Variants in FGF12 observed in about 807,000 individuals in gnomAD.
FGF12 encodes fibroblast growth factor 12.
Under a neutral mutation model 23.6 loss-of-function variants are expected in FGF12, and 14 were observed. The observed-to-expected ratio is 0.59, with a 90% CI of 0.39 to 0.93. The LOEUF (loss-of-function observed/expected upper bound fraction) is 0.93, where lower values mean the gene tolerates loss of function less well. FGF12 is among the 40% of genes least tolerant of loss of function. The probability of loss-of-function intolerance (pLI) is 0.00; values close to 1 mark genes in which losing one functional copy is unlikely to be tolerated. For missense variants in FGF12, 175 were observed against 217.8 expected (o/e 0.80, Z 1.24); for synonymous variants, 62 against 77.3 (o/e 0.80, Z 1.04).
At chr3:192,602,828 A>T (rs927020274) in intron 2 of FGF12, among the ~76,000 whole-genome samples, 3 of 152,132 alleles carry the variant, frequency 2.0e-5, no homozygotes, top group African/African-American at 7.2e-5. Context: ...GCACACAAAA[A>T]GTCAATTTAC....
chr3:192,605,721 C>A (rs1353564978), intron 2 of FGF12, among the ~76,000 whole-genome samples: 2 of 152,218 alleles, frequency 1.3e-5, no homozygotes, highest in South Asian at 2.1e-4. Context: ...GACATGAACA[C>A]ACACACTTCT....
At chr3:192,210,380 T>C (rs550969460) in intron 4 of FGF12, among the ~76,000 whole-genome samples, 41 of 151,862 alleles carry the variant, frequency 2.7e-4, no homozygotes, top group Admixed American at 1.6e-3. Context: ...AGAAAAAAAA[T>C]ACACAAGAAA....
chr3:192,478,728 T>C (rs2108817827), intron 2 of FGF12, among the ~76,000 whole-genome samples: 1 of 152,222 alleles, frequency 6.6e-6, no homozygotes, highest in East Asian at 1.9e-4. Context: ...GAAAGAAAAA[T>C]GAAGTTTAGA....
intron 2 of FGF12, among the ~76,000 whole-genome samples, chr3:192,434,832 A>T (rs1259412600): frequency 6.7e-6 from 1 of 148,462 alleles, no homozygotes; most frequent in East Asian, 2.0e-4. Flanking sequence ...TCAGGATATT[A>T]AAAAAAAAAC....
chr3:192,520,913 A>G (rs770681250), intron 2 of FGF12, among the ~76,000 whole-genome samples: 7 of 152,206 alleles, frequency 4.6e-5, no homozygotes, highest in Non-Finnish European at 1.0e-4. Flanking sequence ...ATTATAAACA[A>G]TGCTGCAATA....
At chr3:192,392,598 G>A (rs1231825223) in intron 2 of FGF12, among the ~76,000 whole-genome samples, 1 of 38,988 alleles carries the variant, frequency 2.6e-5, no homozygotes, top group East Asian at 1.9e-3. Flanking sequence ...CTCCGAGAGA[G>A]AGAGAGAGAG....
intron 2 of FGF12, among the ~76,000 whole-genome samples, chr3:192,546,338 A>G (rs1725493510): frequency 6.6e-6 from 1 of 152,180 alleles, no homozygotes; most frequent in Non-Finnish European, 1.5e-5. Context: ...CTAATACTTT[A>G]GGTGCAAACC....
chr3:192,524,501 A>C (rs1034482809), intron 2 of FGF12, among the ~76,000 whole-genome samples: 2 of 152,208 alleles, frequency 1.3e-5, no homozygotes, highest in Non-Finnish European at 2.9e-5. Flanking sequence ...GTGGGAAAGG[A>C]GGAGAAAAAG....
chr3:192,652,001 G>C (rs891231866), intron 2 of FGF12, among the ~76,000 whole-genome samples: 1 of 152,098 alleles, frequency 6.6e-6, no homozygotes, highest in African/African-American at 2.4e-5. Flanking sequence ...AGATTGGAAG[G>C]CTCATTTATT....
chr3:192,528,501 C>A (rs189939693), intron 2 of FGF12, among the ~76,000 whole-genome samples: 2 of 152,234 alleles, frequency 1.3e-5, no homozygotes. Flanking sequence ...GTACACGGTA[C>A]AACCTGTCAG....
At chr3:192,657,632 A>G (rs1314156773) in intron 2 of FGF12, among the ~76,000 whole-genome samples, 1 of 152,154 alleles carries the variant, frequency 6.6e-6, no homozygotes, top group Non-Finnish European at 1.5e-5. Flanking sequence ...TAAATCTATG[A>G]GATTCGGACT....
In FGF12 at chr3:192,537,950, C is replaced by CTTTTTTTTT. The variant is rs370317111; in HGVS notation, c.14-177421_14-177413dup. Among the ~76,000 whole-genome samples the CTTTTTTTTT allele has an allele frequency of 2.1e-4, 25 of 121,396 alleles. 2 individuals carry two copies. The highest frequency in any genetic ancestry group is 3.6e-4 in the African/African-American group (12 of 33,734). The allele number at this position is 121,396 out of a possible 152,430, so 79.6% of individuals were successfully genotyped here. A position where few individuals can be genotyped will look rare whatever the true frequency, so the allele number is the denominator to read the frequency against. On this transcript the variant is annotated intron_variant, in intron 2 of 5. Coordinates refer to ENST00000445105, the MANE Select transcript of FGF12 (RefSeq NM_004113.6). ...AAGGTCTTAGATTTAAGCCTTTAACCTTTTTTTTTTTTTGAGATGGAGTTT... is the reference window on the plus strand; with the variant it reads ...AAGGTCTTAGATTTAAGCCTTTAACCTTTTTTTTTTTTTTTTTTTTTTGAGATGGAGTTT...
intron 4 of FGF12, among the ~76,000 whole-genome samples, chr3:192,294,068 T>G (rs1714905578): frequency 6.6e-6 from 1 of 152,122 alleles, no homozygotes. Context: ...TCTCATGAGA[T>G]CTGATGGTTT....
At chr3:192,465,048 T>G (rs1576998897) in intron 2 of FGF12, among the ~76,000 whole-genome samples, 1 of 152,220 alleles carries the variant, frequency 6.6e-6, no homozygotes, top group African/African-American at 2.4e-5. Flanking sequence ...AATTTAACAT[T>G]ATATAATGAT....
At chr3:192,380,276 T>A (rs983888842) in intron 2 of FGF12, among the ~76,000 whole-genome samples, 1 of 152,182 alleles carries the variant, frequency 6.6e-6, no homozygotes. Flanking sequence ...TTCATCTGTT[T>A]GCTTAATGGA....
intron 2 of FGF12, among the ~76,000 whole-genome samples, chr3:192,672,163 C>T (rs1245710618): frequency 6.6e-6 from 1 of 151,356 alleles, no homozygotes; most frequent in Non-Finnish European, 1.5e-5. Context: ...TTATGTGTTT[C>T]ATAGAATCTC....
At chr3:192,704,496 C>T (rs181714083) in intron 2 of FGF12, among the ~76,000 whole-genome samples, 6 of 152,124 alleles carry the variant, frequency 3.9e-5, no homozygotes, top group Non-Finnish European at 8.8e-5. Flanking sequence ...GTAAGCCATC[C>T]TTTAAACAAA....
intron 4 of FGF12, among the ~76,000 whole-genome samples, chr3:192,179,620 A>G (rs1716058693): frequency 6.7e-6 from 1 of 150,304 alleles, no homozygotes; most frequent in Non-Finnish European, 1.5e-5. Context: ...ATCTTTGCTC[A>G]CTGCAACCTC....
At chr3:192,173,495 TCAATATA>T (rs1715686045) in intron 4 of FGF12, among the ~76,000 whole-genome samples, 2 of 152,120 alleles carry the variant, frequency 1.3e-5, no homozygotes, top group Non-Finnish European at 2.9e-5. Context: ...TAACTCAGAT[TCAATATA>T]GATGATAATA....
Sources: gnomAD v4.1 joint callset for allele counts (sites outside exome capture counted in the v4.1 genomes callset) on GRCh38, gnomAD v4.1.1 for gene constraint, MANE v1.5 for transcripts, NCBI Gene and HGNC (gene_info 2026-07-23, HGNC 2026-07-21) for gene names.